SCAPER: variants seen among roughly 807,000 people sequenced by gnomAD.
SCAPER encodes the protein S-phase cyclin A associated protein in the ER, also known as S phase cyclin A-associated protein in the endoplasmic reticulum.
In SCAPER, 98 loss-of-function variants were observed where a neutral mutation model predicts 182.2. That is an observed-to-expected ratio of 0.54 (90% CI 0.46 to 0.64). SCAPER has a LOEUF of 0.64. Ranked by LOEUF, SCAPER falls within the 30% of genes least tolerant of loss-of-function variation. SCAPER has a pLI of 0.00. For missense variants in SCAPER, 1,432 were observed against 1,690.0 expected (o/e 0.85, Z 2.68); for synonymous variants, 605 against 564.6 (o/e 1.07, Z -1.01).
At chr15:76,722,505 C>T (rs567125521) in intron 17 of SCAPER, among the ~76,000 whole-genome samples, 1 of 152,280 alleles carries the variant, frequency 6.6e-6, no homozygotes, top group South Asian at 2.1e-4. Context: ...AGGAATGGTA[C>T]CAGCTCCTCC....
intron 23 of SCAPER, among the ~76,000 whole-genome samples, chr15:76,511,843 A>ATATGTGTGTGTGTGTGTGTGTG (rs151255382): frequency 1.2e-4 from 15 of 123,300 alleles, no homozygotes; most frequent in African/African-American, 5.0e-4. Context: ...ATATATATAT[A>ATATGTGTGTGTGTGTGTGTGTG]TGTGTGTGTG....
rs990759132 is a variant in SCAPER at position 76,793,506 on chromosome 15, C to T, written c.772+1774G>A. On this transcript the variant is annotated intron_variant, in intron 8 of 31. Transcript: ENST00000563290. The stretch of plus-strand genomic sequence containing the variant: ...TTAGGTTGCTTGCCAATGGTTTAAT[C>T]AATCATGCCTAGATAATGAAGTTTC... 3 of 478,364 alleles carry T rather than the reference C, an allele frequency of 6.3e-6. No homozygotes were observed. In the East Asian group the frequency reaches 1.0e-4, roughly 17 times the overall value. 29.6% of individuals were successfully genotyped at this position (478,364 alleles called of 1,614,324 possible). A position where few individuals can be genotyped will look rare whatever the true frequency, so the allele number is the denominator to read the frequency against.
chr15:76,663,949 T>C (rs777246865), intron 21 of SCAPER, among the ~76,000 whole-genome samples: 19 of 152,110 alleles, frequency 1.2e-4, no homozygotes, highest in African/African-American at 3.9e-4. Context: ...ATTTTTCCTA[T>C]GGTTATTTAC....
At chr15:76,807,940 A>T (rs1222847682) in intron 5 of SCAPER, among the ~76,000 whole-genome samples, 1 of 152,166 alleles carries the variant, frequency 6.6e-6, no homozygotes, top group Admixed American at 6.5e-5. Context: ...CAGTTCTCCC[A>T]CTACATGTGG....
intron 5 of SCAPER, among the ~76,000 whole-genome samples, chr15:76,808,310 C>T (rs576264969): frequency 6.6e-6 from 1 of 152,230 alleles, no homozygotes; most frequent in African/African-American, 2.4e-5. Context: ...TACCTGCTGC[C>T]CCTTTTCCCC....
chr15:76,770,986 T>C (rs79977442), intron 10 of SCAPER, among the ~76,000 whole-genome samples: 33 of 152,258 alleles, frequency 2.2e-4, no homozygotes, highest in African/African-American at 7.7e-4. Flanking sequence ...ATAAAATGTA[T>C]AATTTTACCT....
At chr15:76,529,185 A>G (rs982193229) in intron 23 of SCAPER, among the ~76,000 whole-genome samples, 6 of 152,166 alleles carry the variant, frequency 3.9e-5, no homozygotes, top group African/African-American at 1.2e-4. Flanking sequence ...CTGGGATTAC[A>G]GGCCTGTACC....
chr15:76,695,037 A>G (rs1218928151), intron 20 of SCAPER, among the ~76,000 whole-genome samples: 2 of 152,208 alleles, frequency 1.3e-5, no homozygotes, highest in African/African-American at 4.8e-5. Context: ...CTTCTTTAAG[A>G]TATTTATAAA....
chr15:76,536,802 T>C (rs1457504760), intron 23 of SCAPER, among the ~76,000 whole-genome samples: 1 of 152,182 alleles, frequency 6.6e-6, no homozygotes, highest in African/African-American at 2.4e-5. Context: ...GACATGATTC[T>C]ATTATCTAGA....
chr15:76,481,803 C>T (rs768410378), intron 24 of SCAPER, among the ~76,000 whole-genome samples: 1 of 152,222 alleles, frequency 6.6e-6, no homozygotes, highest in South Asian at 2.1e-4. Context: ...GTTAGTCTTA[C>T]CTACTTTTAA....
intron 22 of SCAPER, among the ~76,000 whole-genome samples, chr15:76,593,692 T>C (rs2049293390): frequency 8.3e-6 from 1 of 120,498 alleles, no homozygotes; most frequent in African/African-American, 2.5e-5. Flanking sequence ...GGATCTGGAG[T>C]GGACCTCCAG....
chr15:76,816,399 G>A (rs933727122), intron 5 of SCAPER, among the ~76,000 whole-genome samples: 3 of 151,272 alleles, frequency 2.0e-5, no homozygotes, highest in Non-Finnish European at 2.9e-5. Context: ...ATGAAGACAC[G>A]AACACACACA....
intron 23 of SCAPER, among the ~76,000 whole-genome samples, chr15:76,544,498 T>C (rs570070259): frequency 2.4e-4 from 36 of 152,268 alleles, no homozygotes; most frequent in Admixed American, 1.0e-3. Flanking sequence ...AGTAACAGAA[T>C]GCGGATACAA....
intron 24 of SCAPER, among the ~76,000 whole-genome samples, chr15:76,496,556 T>G (rs62028436): frequency 0.084 from 12,772 of 152,260 alleles, 624 homozygotes; most frequent in African/African-American, 0.12. Context: ...TATGTTCTTT[T>G]TAAGTGTGTT....
intron 26 of SCAPER, among the ~76,000 whole-genome samples, chr15:76,424,180 A>C (rs1033026693): frequency 6.6e-6 from 1 of 151,820 alleles, no homozygotes; most frequent in African/African-American, 2.4e-5. Context: ...ATCCTTGTTA[A>C]CTTTGTCTCA....
At position 76,397,190 on chromosome 15, in the gene SCAPER, T is replaced by C. The variant is rs1012905750; in HGVS notation, c.3467+7334A>G. Among the ~76,000 whole-genome samples the C allele has an allele frequency of 4.6e-5, 7 of 152,170 alleles. No homozygotes were observed. The East Asian group carries it at 1.2e-3, about 25-fold the overall frequency. On this transcript the variant is annotated intron_variant, in intron 27 of 31. Transcript: ENST00000563290. Reference sequence around the variant, plus strand: ...TCCTGGGATAAATCCCACTTGATCATAATGAATGATCTTTTTTGCTGAATT... The same window carrying C: ...TCCTGGGATAAATCCCACTTGATCACAATGAATGATCTTTTTTGCTGAATT...
intron 15 of SCAPER, among the ~76,000 whole-genome samples, chr15:76,745,951 T>C (rs1306046087): frequency 6.6e-6 from 1 of 152,188 alleles, no homozygotes; most frequent in Non-Finnish European, 1.5e-5. Flanking sequence ...ATACTAATAA[T>C]ACATAGATCA....
intron 22 of SCAPER, among the ~76,000 whole-genome samples, chr15:76,576,624 G>A (rs879284272): frequency 6.6e-5 from 10 of 152,066 alleles, no homozygotes; most frequent in Non-Finnish European, 1.2e-4. Context: ...TTTTAACTTC[G>A]TATCACTGAA....
intron 29 of SCAPER, among the ~76,000 whole-genome samples, chr15:76,366,564 A>G (rs1474762925): frequency 6.6e-6 from 1 of 152,168 alleles, no homozygotes; most frequent in Admixed American, 6.5e-5. Context: ...GTATAGTAGG[A>G]TAAGGTTCCA....
Sources: allele counts gnomAD v4.1 joint callset (sites outside exome capture counted in the v4.1 genomes callset), GRCh38; gene constraint gnomAD v4.1.1; transcripts MANE v1.5; gene names NCBI Gene and HGNC (gene_info 2026-07-23, HGNC 2026-07-21).